Variants in KALRN observed in about 807,000 individuals in gnomAD.
KALRN encodes the protein kalirin RhoGEF kinase, also known as kalirin.
Under a neutral mutation model 353.7 loss-of-function variants are expected in KALRN, and 70 were observed. The ratio of observed to expected loss-of-function variants is 0.20; its 90% CI spans 0.16 to 0.24. The LOEUF (loss-of-function observed/expected upper bound fraction) is 0.24. KALRN is among the 10% of genes least tolerant of loss of function. The probability of loss-of-function intolerance (pLI) is 1.00; values close to 1 mark genes in which losing one functional copy is unlikely to be tolerated. For missense variants in KALRN, 2,791 were observed against 3,756.7 expected, an observed-to-expected ratio of 0.74 and a Z score of 6.72; for synonymous variants, 1,391 against 1,434.8, an observed-to-expected ratio of 0.97 and a Z score of 0.69.
At chr3:124,233,481 G>A (rs927282452) in intron 2 of KALRN, among the ~76,000 whole-genome samples, 1 of 152,192 alleles carries the variant, frequency 6.6e-6, no homozygotes, top group Non-Finnish European at 1.5e-5. Flanking sequence ...GAGTGGGGGC[G>A]CTGGGCAGTG....
intron 3 of KALRN, among the ~76,000 whole-genome samples, chr3:124,257,223 T>C (rs1036749719): frequency 1.3e-5 from 2 of 152,344 alleles, no homozygotes; most frequent in African/African-American, 4.8e-5. Flanking sequence ...ATATCTGATT[T>C]AGACAAAGTG....
At chr3:124,263,175 T>C (rs1464926247) in intron 3 of KALRN, among the ~76,000 whole-genome samples, 2 of 152,234 alleles carry the variant, frequency 1.3e-5, no homozygotes, top group African/African-American at 2.4e-5. Context: ...TCTTGATTTA[T>C]TTAGCCTGCT....
At chr3:124,275,977 A>G (rs1314723121) in intron 5 of KALRN, among the ~76,000 whole-genome samples, 1 of 152,220 alleles carries the variant, frequency 6.6e-6, no homozygotes, top group African/African-American at 2.4e-5. Flanking sequence ...AAGCAGCCCC[A>G]GAGAAAAGTG....
intron 5 of KALRN, among the ~76,000 whole-genome samples, chr3:124,275,851 C>T (rs77988918): frequency 0.012 from 1,785 of 151,938 alleles, 34 homozygotes; most frequent in African/African-American, 0.04. Context: ...TATGCAGTGC[C>T]CCTGGGCAGG....
intron 5 of KALRN, among the ~76,000 whole-genome samples, chr3:124,286,161 C>T (rs1460773855): frequency 1.6e-5 from 2 of 125,274 alleles, no homozygotes. Flanking sequence ...TCCTTTCTTT[C>T]GTCTTTCTTT....
Position 124,137,156 on chromosome 3 carries a change from G to A in KALRN, c.74-90834G>A, listed in dbSNP as rs188469795. 8.5e-4 allele frequency among the ~76,000 whole-genome samples: 129 copies of A among 152,226 alleles called. No individual in the cohort carries two copies. The South Asian group carries it at 0.015, about 18-fold the overall frequency. ...TGCTTGTTACCTGGACACTGGAGTC[G>A]CCGGTTTTGCTGAACAATGCATTTA... On this transcript the variant is annotated intron_variant, in intron 1 of 59. Coordinates refer to ENST00000682506, the MANE Select transcript of KALRN (RefSeq NM_001388419.1).
At chr3:124,628,585 C>T (rs897563881) in intron 34 of KALRN, among the ~76,000 whole-genome samples, 1 of 135,278 alleles carries the variant, frequency 7.4e-6, no homozygotes, top group African/African-American at 2.8e-5. Context: ...CTTTTCTTCT[C>T]ATTTCTTTTC....
intron 34 of KALRN, among the ~76,000 whole-genome samples, chr3:124,582,820 G>C (rs2074761374): frequency 6.6e-6 from 1 of 152,160 alleles, no homozygotes; most frequent in East Asian, 1.9e-4. Context: ...CCAGGCTGGA[G>C]TGCAGCAGCA....
At chr3:124,299,812 T>C (rs1300274889) in intron 6 of KALRN, among the ~76,000 whole-genome samples, 1 of 152,172 alleles carries the variant, frequency 6.6e-6, no homozygotes, top group African/African-American at 2.4e-5. Context: ...AACCTAACAC[T>C]TCGGGATATA....
Position 124,325,355 on chromosome 3 carries a change from G to C in KALRN, c.1093-625G>C, listed in dbSNP as rs77292624. 4.5e-4 allele frequency among the ~76,000 whole-genome samples: 68 copies of C among 152,258 alleles called. No individual in the cohort carries two copies. The East Asian group carries it at 0.011, about 24-fold the overall frequency. On this transcript the variant is annotated intron_variant, in intron 6 of 59. Coordinates refer to ENST00000682506, the MANE Select transcript of KALRN (RefSeq NM_001388419.1). Reference sequence around the variant, plus strand: ...CAGACCTTATTATTAGCATGGAAAAGTGTGTGGGTTCAAATGCTGTCTTTA... The same window carrying C: ...CAGACCTTATTATTAGCATGGAAAACTGTGTGGGTTCAAATGCTGTCTTTA...
intron 11 of KALRN, among the ~76,000 whole-genome samples, chr3:124,391,319 A>T (rs1349534980): frequency 6.6e-6 from 1 of 152,152 alleles, no homozygotes; most frequent in Non-Finnish European, 1.5e-5. Flanking sequence ...TTAGATAAGC[A>T]GAAAGTAAAG....
intron 1 of KALRN, among the ~76,000 whole-genome samples, chr3:124,143,552 T>A (rs1404774240): frequency 6.6e-6 from 1 of 152,158 alleles, no homozygotes; most frequent in East Asian, 1.9e-4. Flanking sequence ...GTTCATGGGT[T>A]GTAAGAATTG....
chr3:124,112,942 C>A (rs2063126319), intron 1 of KALRN, among the ~76,000 whole-genome samples: 1 of 152,066 alleles, frequency 6.6e-6, no homozygotes, highest in African/African-American at 2.4e-5. Context: ...CCTTTGATTA[C>A]CTCCATGCCG....
chr3:124,588,498 C>T (rs373861615), intron 34 of KALRN, among the ~76,000 whole-genome samples: 5 of 152,190 alleles, frequency 3.3e-5, no homozygotes, highest in African/African-American at 1.2e-4. Context: ...AATCTTGGCT[C>T]ACTGCAACCT....
At chr3:124,445,946 A>G (rs746363576) in intron 19 of KALRN, among the ~76,000 whole-genome samples, 8 of 152,368 alleles carry the variant, frequency 5.3e-5, no homozygotes, top group South Asian at 2.1e-4. Context: ...ACTCTCATCA[A>G]TGGGCTCTCC....
intron 1 of KALRN, among the ~76,000 whole-genome samples, chr3:124,120,726 A>G (rs2063908883): frequency 1.3e-5 from 1 of 76,262 alleles, no homozygotes; most frequent in Admixed American, 1.5e-4. Flanking sequence ...ATATATATAT[A>G]TATATATATA....
Position 124,715,318 on chromosome 3 carries a change from C to T in KALRN, c.8277-1929C>T, listed in dbSNP as rs552394251. 2.6e-5 allele frequency among the ~76,000 whole-genome samples: 4 copies of T among 152,238 alleles called. No homozygotes were observed. The South Asian group carries it at 8.3e-4, about 32-fold the overall frequency. ...TGCCAATTAGGTGACGGTGGCCTCC[C>T]CTTAGGTGGTCACCAGAATTGCTGG... is the stretch of plus-strand genomic sequence containing the variant. On this transcript the variant is annotated intron_variant, in intron 58 of 59. Transcript: ENST00000682506.
chr3:124,318,536 C>T (rs980417445), intron 6 of KALRN, among the ~76,000 whole-genome samples: 2 of 152,130 alleles, frequency 1.3e-5, no homozygotes, highest in African/African-American at 4.8e-5. Flanking sequence ...CTTTAGGACC[C>T]AAAGTGAGTT....
At chr3:124,471,849 C>A (rs1211874248) in intron 25 of KALRN, among the ~76,000 whole-genome samples, 1 of 151,678 alleles carries the variant, frequency 6.6e-6, no homozygotes, top group Non-Finnish European at 1.5e-5. Flanking sequence ...CGCTTGCAGT[C>A]CCAGCTACTC....
Sources: allele counts gnomAD v4.1 joint callset (sites outside exome capture counted in the v4.1 genomes callset), GRCh38; gene constraint gnomAD v4.1.1; transcripts MANE v1.5; gene names NCBI Gene and HGNC (gene_info 2026-07-23, HGNC 2026-07-21).